LGSN: variants seen among roughly 807,000 people sequenced by gnomAD.
The protein encoded by LGSN is lengsin, lens protein with glutamine synthetase domain, also known as lengsin.
A neutral mutation model predicts 19.5 loss-of-function variants in LGSN; 21 were observed. The ratio of observed to expected loss-of-function variants is 1.07; its 90% CI spans 0.76 to 1.55. LGSN has a LOEUF of 1.55. Ranked by LOEUF, LGSN falls within the 40% of genes most tolerant of loss-of-function variation. The pLI is 0.00. For missense variants in LGSN, 673 were observed against 608.5 expected (o/e 1.11, Z -1.12); for synonymous variants, 257 against 215.6 (o/e 1.19, Z -1.68).
At position 63,276,573 on chromosome 6, in the gene LGSN, C is replaced by T. The variant is rs1320573541; in HGVS notation, c.*3448G>A. On this transcript the variant is annotated 3_prime_UTR_variant, in exon 4 of 4. Coordinates refer to ENST00000370657, the MANE Select transcript of LGSN (RefSeq NM_016571.3). ...TTTTTGTAAAGCTATTTATAAGGCA[C>T]CCTTTTCGAGCCATAAAGAAGCTTT... 3 of 152,086 alleles carry T rather than the reference C, an allele frequency of 2.0e-5. No homozygotes were observed. Among genetic ancestry groups the T allele is most frequent in the Non-Finnish European group, 4.4e-5 (3 of 68,016 alleles). 9.4% of individuals were successfully genotyped at this position (152,086 alleles called of 1,614,324 possible). A position where few individuals can be genotyped will look rare whatever the true frequency, so the allele number is the denominator to read the frequency against.
At chr6:63,486,759 A>G in the LGSN span, among the ~76,000 whole-genome samples, 1 of 135,654 alleles carries the variant, frequency 7.4e-6, no homozygotes, top group Admixed American at 8.6e-5. Context: ...ATTATGGCTC[A>G]CTGCAGCCTC....
At chr6:63,486,580 C>T in the LGSN span, among the ~76,000 whole-genome samples, 1 of 152,084 alleles carries the variant, frequency 6.6e-6, no homozygotes, top group Admixed American at 6.6e-5. Flanking sequence ...AGATGCTGCA[C>T]ACACAGTGGG....
chr6:63,497,899 C>G, the LGSN span, among the ~76,000 whole-genome samples: 1 of 139,120 alleles, frequency 7.2e-6, no homozygotes, highest in Non-Finnish European at 1.5e-5. Flanking sequence ...CTTCACAGTT[C>G]TATAGATTTG....
chr6:63,284,785 T>C (rs535137560), intron 3 of LGSN, among the ~76,000 whole-genome samples: 2 of 152,320 alleles, frequency 1.3e-5, no homozygotes, highest in South Asian at 2.1e-4. Context: ...AGTTTGAATC[T>C]GTTAGAATTA....
the LGSN span, among the ~76,000 whole-genome samples, chr6:63,377,446 T>G: frequency 2.0e-5 from 3 of 152,076 alleles, no homozygotes; most frequent in Non-Finnish European, 4.4e-5. Context: ...CCCTGGGGAG[T>G]TGGTTCATTC....
the LGSN span, among the ~76,000 whole-genome samples, chr6:63,543,179 C>T: frequency 6.6e-6 from 1 of 152,206 alleles, no homozygotes; most frequent in Non-Finnish European, 1.5e-5. Flanking sequence ...GCTAGGGTGT[C>T]TCATGTCTCA....
chr6:63,357,991 T>A, the LGSN span, among the ~76,000 whole-genome samples: 1 of 152,098 alleles, frequency 6.6e-6, no homozygotes, highest in Non-Finnish European at 1.5e-5. Flanking sequence ...CTTTAATCCA[T>A]CTTGAATTAA....
chr6:63,522,759 T>C, the LGSN span, among the ~76,000 whole-genome samples: 1 of 152,168 alleles, frequency 6.6e-6, no homozygotes, highest in African/African-American at 2.4e-5. Flanking sequence ...ATATTACTGT[T>C]TTCTACCATG....
chr6:63,330,512 C>T, the LGSN span, among the ~76,000 whole-genome samples: 2 of 152,190 alleles, frequency 1.3e-5, no homozygotes, highest in Non-Finnish European at 2.9e-5. Flanking sequence ...AATTGACCCT[C>T]GAGTGATTCA....
chr6:63,504,696 G>A, the LGSN span, among the ~76,000 whole-genome samples: 5 of 152,082 alleles, frequency 3.3e-5, no homozygotes, highest in African/African-American at 7.2e-5. Context: ...CACCCACCTC[G>A]GTGTCCCAAA....
the LGSN span, among the ~76,000 whole-genome samples, chr6:63,436,148 T>A: frequency 6.6e-6 from 1 of 152,188 alleles, no homozygotes; most frequent in Non-Finnish European, 1.5e-5. Flanking sequence ...CCTACCACCA[T>A]CTTCATTCTC....
At chr6:63,362,211 T>A in the LGSN span, among the ~76,000 whole-genome samples, 1 of 152,176 alleles carries the variant, frequency 6.6e-6, no homozygotes, top group African/African-American at 2.4e-5. Flanking sequence ...AAAATCACAA[T>A]TAAAAGTTAA....
the LGSN span, among the ~76,000 whole-genome samples, chr6:63,477,687 CT>C: frequency 0.15 from 9,076 of 60,328 alleles, 24 homozygotes; most frequent in Non-Finnish European, 0.2. Context: ...TTCTTTTTTT[CT>C]TTTTTTTTTT....
chr6:63,362,697 G>A, the LGSN span, among the ~76,000 whole-genome samples: 1 of 152,200 alleles, frequency 6.6e-6, no homozygotes, highest in Non-Finnish European at 1.5e-5. Context: ...AAAGCAGCCG[G>A]GAAGGTCGAA....
chr6:63,304,785 G>T (rs746788082), intron 1 of LGSN, among the ~76,000 whole-genome samples: 11 of 152,112 alleles, frequency 7.2e-5, no homozygotes, highest in Non-Finnish European at 1.5e-4. Flanking sequence ...TTAAATGTTT[G>T]CAGACAGCCA....
At chr6:63,534,866 A>G in the LGSN span, among the ~76,000 whole-genome samples, 1 of 112,206 alleles carries the variant, frequency 8.9e-6, no homozygotes, top group Non-Finnish European at 1.9e-5. Context: ...ATTCTTTACT[A>G]AAGAATTTCA....
At chr6:63,543,061 C>G in the LGSN span, among the ~76,000 whole-genome samples, 19 of 152,172 alleles carry the variant, frequency 1.2e-4, no homozygotes, top group African/African-American at 4.6e-4. Context: ...CTTTTTTCAA[C>G]TATATCCCCC....
chr6:63,377,913 C>CAAAAAAAAAA, the LGSN span, among the ~76,000 whole-genome samples: 8 of 54,346 alleles, frequency 1.5e-4, no homozygotes, highest in Non-Finnish European at 1.6e-4. Context: ...GACTCCATCT[C>CAAAAAAAAAA]AAAAAAAAAA....
At chr6:63,319,419 T>C (rs1769000976) in intron 1 of LGSN, among the ~76,000 whole-genome samples, 1 of 152,178 alleles carries the variant, frequency 6.6e-6, no homozygotes. Context: ...AGGAGAAATG[T>C]TATATGTTGA....
Sources: gnomAD v4.1 joint callset for allele counts (sites outside exome capture counted in the v4.1 genomes callset) on GRCh38, gnomAD v4.1.1 for gene constraint, MANE v1.5 for transcripts, NCBI Gene and HGNC (gene_info 2026-07-23, HGNC 2026-07-21) for gene names.